Variants in CYP4F22 observed in about 807,000 individuals in gnomAD.
CYP4F22 encodes the protein ultra-long-chain fatty acid omega-hydroxylase.
In CYP4F22, 37 loss-of-function variants were observed where a neutral mutation model predicts 60.4. The ratio of observed to expected loss-of-function variants is 0.61; its 90% CI spans 0.47 to 0.81. The LOEUF (loss-of-function observed/expected upper bound fraction) is 0.81, where lower values mean the gene tolerates loss of function less well. Ranked by LOEUF, CYP4F22 falls within the 30% of genes least tolerant of loss-of-function variation. CYP4F22 has a pLI of 0.00. For synonymous variants in CYP4F22, 258 were observed against 280.5 expected (o/e 0.92, Z 0.80); for missense variants, 655 against 715.0 (o/e 0.92, Z 0.96).
At chr19:15,515,440 G>A in intron 1 of CYP4F22, 2 of 1,026,388 alleles carry the variant, frequency 1.9e-6, no homozygotes, top group Non-Finnish European at 3.0e-6. Flanking sequence ...GTTCAGTGCA[G>A]CTGGCCAGGC....
At chr19:15,550,777 A>G (rs761373028) in intron 13 of CYP4F22, 21 bp downstream of exon 13, 1 of 1,612,704 alleles carries the variant, frequency 6.2e-7, no homozygotes, top group Non-Finnish European at 8.5e-7. Context: ...TATTTCCCCT[A>G]GTCCAAGCCA....
intron 4 of CYP4F22, among the ~76,000 whole-genome samples, chr19:15,534,709 C>T (rs1476691547): frequency 1.3e-5 from 2 of 151,942 alleles, no homozygotes; most frequent in Admixed American, 6.6e-5. Context: ...GGAAAAGGAA[C>T]CTGAGGATGA....
At chr19:15,515,194 C>T (rs111237146) in intron 1 of CYP4F22, 5 of 555,776 alleles carry the variant, frequency 9.0e-6, no homozygotes, top group African/African-American at 7.6e-5. Context: ...GCCACCTCCC[C>T]TGTTGTGTTC....
intron 3 of CYP4F22, among the ~76,000 whole-genome samples, chr19:15,528,328 C>G (rs1388353222): frequency 2.6e-5 from 4 of 152,154 alleles, no homozygotes; most frequent in Non-Finnish European, 5.9e-5. Context: ...TGGTGCATAC[C>G]TAGAGTCCCA....
In CYP4F22 at chr19:15,520,356, A is replaced by C. The variant is rs568560056; in HGVS notation, c.-108-3337A>C. On this transcript the variant is annotated intron_variant, in intron 1 of 13. Transcript: ENST00000269703. ...GCAAGCCTCCATCTCAAAAAAAAAA[A>C]AAAAACAAAAACTAAAAAAAGAAAG... Among the ~76,000 whole-genome samples the C allele has an allele frequency of 2.5e-3, 376 of 149,908 alleles. 2 individuals carry two copies. Among genetic ancestry groups the C allele is most frequent in the Middle Eastern group, 6.8e-3 (2 of 292 alleles).
At chr19:15,529,304 T>G (rs1971316758) in intron 3 of CYP4F22, among the ~76,000 whole-genome samples, 1 of 151,966 alleles carries the variant, frequency 6.6e-6, no homozygotes, top group Non-Finnish European at 1.5e-5. Flanking sequence ...AATTTTTGTA[T>G]TTTTAGTAGA....
chr19:15,538,977 A>C (rs911661767), intron 7 of CYP4F22, among the ~76,000 whole-genome samples: 4 of 152,240 alleles, frequency 2.6e-5, no homozygotes, highest in African/African-American at 7.2e-5. Context: ...TTCAGGACTG[A>C]GGACAGCTCC....
At chr19:15,511,181 G>A (rs771648400) in intron 1 of CYP4F22, among the ~76,000 whole-genome samples, 2 of 151,116 alleles carry the variant, frequency 1.3e-5, no homozygotes, top group Non-Finnish European at 2.9e-5. Flanking sequence ...GGTCAGGCTG[G>A]TCTCGAACTC....
At chr19:15,541,279 G>A (rs1971459264) in intron 8 of CYP4F22, among the ~76,000 whole-genome samples, 1 of 152,158 alleles carries the variant, frequency 6.6e-6, no homozygotes, top group Non-Finnish European at 1.5e-5. Flanking sequence ...CAAGGTATCT[G>A]CAGGGCTGGT....
chr19:15,543,649 G>A (rs1181000852), intron 8 of CYP4F22, among the ~76,000 whole-genome samples: 3 of 152,074 alleles, frequency 2.0e-5, no homozygotes. Context: ...TTGAGGCCAC[G>A]AGTTCGAGAC....
chr19:15,540,331 A>AAT (rs1234093874), intron 7 of CYP4F22, 119 bp from the exon 8 acceptor site: 1 of 1,195,044 alleles, frequency 8.4e-7, no homozygotes, highest in African/African-American at 1.5e-5. Context: ...AAATAGAGTT[A>AAT]ATATAGGGCT....
At chr19:15,520,141 G>T (rs1296598713) in intron 1 of CYP4F22, among the ~76,000 whole-genome samples, 7 of 151,972 alleles carry the variant, frequency 4.6e-5, no homozygotes, top group Non-Finnish European at 7.4e-5. Context: ...TCAGCAGATC[G>T]AGACCATCCT....
chr19:15,536,844 G>A (rs1275935645), intron 4 of CYP4F22, among the ~76,000 whole-genome samples: 1 of 152,186 alleles, frequency 6.6e-6, no homozygotes, highest in East Asian at 1.9e-4. Context: ...GCAATGGGGA[G>A]CCATGGGAGG....
At chr19:15,513,303 G>A (rs1406055732) in intron 1 of CYP4F22, among the ~76,000 whole-genome samples, 1 of 150,398 alleles carries the variant, frequency 6.6e-6, no homozygotes, top group Non-Finnish European at 1.5e-5. Context: ...AGCCTCCTGA[G>A]TAGCTGGGAC....
chr19:15,540,385 C>T (rs1971443249), intron 7 of CYP4F22, 65 bp from the exon 8 acceptor site: 2 of 1,606,892 alleles, frequency 1.2e-6, no homozygotes, highest in Non-Finnish European at 1.7e-6. Context: ...CTTATCTTAG[C>T]CAAGCCAGGG....
chr19:15,551,479 C>G lies in CYP4F22; in HGVS notation c.*8C>G. The G allele has an allele frequency of 1.3e-6, 2 of 1,551,028 alleles. No individual in the cohort carries two copies. The highest frequency in any genetic ancestry group is 1.7e-6 in the Non-Finnish European group (2 of 1,148,128). Reference sequence around the variant, plus strand: ...CTGCCTCCGCGGGCCTGAGCGTGGGCGCGCCCCTGCGGCTCCCGAGGGTCC... The same window carrying G: ...CTGCCTCCGCGGGCCTGAGCGTGGGGGCGCCCCTGCGGCTCCCGAGGGTCC... On this transcript the variant is annotated 3_prime_UTR_variant, in exon 14 of 14. Coordinates refer to ENST00000269703, the MANE Select transcript of CYP4F22 (RefSeq NM_173483.4).
In CYP4F22 at chr19:15,549,307, T is replaced by C; in HGVS notation, c.1335+105T>C. 3 of 1,093,866 alleles carry C rather than the reference T, an allele frequency of 2.7e-6. No homozygotes were observed. The East Asian group carries it at 7.2e-5, about 26-fold the overall frequency. 67.8% of individuals were successfully genotyped at this position (1,093,866 alleles called of 1,614,324 possible). A position where few individuals can be genotyped will look rare whatever the true frequency, so the allele number is the denominator to read the frequency against. ...TGCAGGGCCTGAGTGCGCACACCCC[T>C]CCCCACTCCGCATTTAGCCATTTAT... On this transcript the variant is annotated intron_variant, in intron 12 of 13. Coordinates refer to ENST00000269703, the MANE Select transcript of CYP4F22 (RefSeq NM_173483.4).
At chr19:15,541,736 C>T (rs998590582) in intron 8 of CYP4F22, among the ~76,000 whole-genome samples, 4 of 151,188 alleles carry the variant, frequency 2.6e-5, no homozygotes, top group East Asian at 3.9e-4. Flanking sequence ...CAAAATTAGC[C>T]GGGCGTGGTG....
chr19:15,529,135 T>TTA (rs141487965), intron 3 of CYP4F22, among the ~76,000 whole-genome samples: 4 of 91,398 alleles, frequency 4.4e-5, no homozygotes, highest in East Asian at 4.7e-4. Flanking sequence ...TTTATTTTAT[T>TTA]TTTTTTTTTT....
Sources: gnomAD v4.1 joint callset for allele counts (sites outside exome capture counted in the v4.1 genomes callset) on GRCh38, gnomAD v4.1.1 for gene constraint, MANE v1.5 for transcripts, NCBI Gene and HGNC (gene_info 2026-07-23, HGNC 2026-07-21) for gene names.